Variants in LARGE1 observed in about 807,000 individuals in gnomAD.
The protein encoded by LARGE1 is LARGE xylosyl- and glucuronyltransferase 1.
In LARGE1, 43 loss-of-function variants were observed where a neutral mutation model predicts 87.6. The observed-to-expected ratio is 0.49, with a 90% confidence interval of 0.38 to 0.63. The LOEUF is 0.63. Ranked by LOEUF, LARGE1 falls within the 30% of genes least tolerant of loss-of-function variation. The pLI is 0.00. For synonymous variants in LARGE1, 434 were observed against 394.6 expected (o/e 1.10, Z -1.18); for missense variants, 802 against 1,000.2 (o/e 0.80, Z 2.67).
chr22:33,116,175 T>C, the LARGE1 span: 2 of 152,284 alleles, frequency 1.3e-5, no homozygotes, highest in East Asian at 1.9e-4. Flanking sequence ...TTTCTCTCCA[T>C]ATTTCAGATC....
At chr22:33,250,698 C>T (rs192791045) in intron 11 of LARGE1, among the ~76,000 whole-genome samples, 1 of 152,164 alleles carries the variant, frequency 6.6e-6, no homozygotes, top group African/African-American at 2.4e-5. Flanking sequence ...TTTACTGAGA[C>T]TTTTAATCAT....
chr22:33,265,380 G>A (rs1221702670), intron 11 of LARGE1, among the ~76,000 whole-genome samples: 1 of 152,132 alleles, frequency 6.6e-6, no homozygotes, highest in Non-Finnish European at 1.5e-5. Context: ...AGCTATCCTT[G>A]CTGTATTCAG....
chr22:33,767,828 C>T (rs929483579), intron 1 of LARGE1, among the ~76,000 whole-genome samples: 1 of 152,198 alleles, frequency 6.6e-6, no homozygotes, highest in African/African-American at 2.4e-5. Flanking sequence ...TTCAGAATTG[C>T]TTAGGATCCC....
At chr22:33,142,023 T>TA in the LARGE1 span, among the ~76,000 whole-genome samples, 1 of 138,684 alleles carries the variant, frequency 7.2e-6, no homozygotes, top group East Asian at 2.1e-4. Flanking sequence ...AATTACTGCT[T>TA]ACTTAACAAC....
At position 33,865,832 on chromosome 22, in the gene LARGE1, C is replaced by CTTTTTTTTTTTTTTTTTTTTT. The variant is rs3072359; in HGVS notation, c.-83+54142_-83+54162dup. ...TAAGCATTCAATGTTAGCTGTTATT[C>CTTTTTTTTTTTTTTTTTTTTT]TTTTTTTTTTTTTTTTTTTTTTTTT... On this transcript the variant is annotated intron_variant, in intron 1 of 14. Transcript: ENST00000397394. Among the ~76,000 whole-genome samples, 5 of 28,394 alleles carry CTTTTTTTTTTTTTTTTTTTTT rather than the reference C, an allele frequency of 1.8e-4. 1 individual carries two copies. Among genetic ancestry groups the CTTTTTTTTTTTTTTTTTTTTT allele is most frequent in the African/African-American group, 5.3e-4 (5 of 9,350 alleles). The allele number at this position is 28,394 out of a possible 152,430, so 18.6% of individuals were successfully genotyped here.
rs1012596648 is a variant in LARGE1, at chr22:33,166,629, A to G, written c.*134T>C. 2.4e-4 allele frequency: 100 copies of G among 410,268 alleles called. 1 individual carries two copies. The Admixed American group carries it at 2.6e-3, about 11-fold the overall frequency. The allele number at this position is 410,268 out of a possible 1,614,324, so 25.4% of individuals were successfully genotyped here. A position where few individuals can be genotyped will look rare whatever the true frequency, so the allele number is the denominator to read the frequency against. ...TGTTCACCTGGCATGTACCACTTCA[A>G]TCTTACCGTGAGGATGTTCACCTGG... On this transcript the variant is annotated 3_prime_UTR_variant, in exon 12 of 12. Transcript: ENST00000608642.
intron 1 of LARGE1, among the ~76,000 whole-genome samples, chr22:33,896,206 A>T (rs2146863632): frequency 6.6e-6 from 1 of 152,246 alleles, no homozygotes; most frequent in South Asian, 2.1e-4. Flanking sequence ...TTAATGACTG[A>T]CTCATTTAAC....
chr22:33,869,802 G>A (rs773978531), intron 1 of LARGE1, among the ~76,000 whole-genome samples: 5 of 152,116 alleles, frequency 3.3e-5, no homozygotes, highest in Admixed American at 1.3e-4. Context: ...GTGAAAAGAT[G>A]GGAAATAGAA....
chr22:33,193,080 A>ATGTGTG (rs144472100), intron 11 of LARGE1, among the ~76,000 whole-genome samples: 5 of 150,022 alleles, frequency 3.3e-5, no homozygotes, highest in African/African-American at 1.2e-4. Context: ...TCTGTTTATG[A>ATGTGTG]TGTGTGTGTG....
rs11912488 is a variant in LARGE1 at position 33,295,646 on chromosome 22, G to A, written c.1730+8583C>T. 8.8e-3 allele frequency among the ~76,000 whole-genome samples: 1,342 copies of A among 152,272 alleles called. 24 individuals carry two copies. Among genetic ancestry groups the A allele is most frequent in the African/African-American group, 0.031 (1,288 of 41,542 alleles). The stretch of plus-strand genomic sequence containing the variant: ...TCTTGTCTCATCCCTAAACATAAAG[G>A]CCAGGGAATAGGGTTTGCTCGATTC... On this transcript the variant is annotated intron_variant, in intron 12 of 14. Coordinates refer to ENST00000397394, the MANE Select transcript of LARGE1 (RefSeq NM_133642.5).
intron 6 of LARGE1, among the ~76,000 whole-genome samples, chr22:33,454,216 C>T (rs2068044089): frequency 6.6e-6 from 1 of 152,088 alleles, no homozygotes; most frequent in Non-Finnish European, 1.5e-5. Flanking sequence ...GTACCATAAA[C>T]CCAATAATTA....
At chr22:33,634,719 C>A (rs1487229781) in intron 3 of LARGE1, among the ~76,000 whole-genome samples, 2 of 151,730 alleles carry the variant, frequency 1.3e-5, no homozygotes, top group Non-Finnish European at 2.9e-5. Context: ...CCTGGAAATC[C>A]AGAGAGCTGG....
chr22:33,350,953 G>C (rs541867636), intron 9 of LARGE1, among the ~76,000 whole-genome samples: 2 of 152,314 alleles, frequency 1.3e-5, no homozygotes, highest in South Asian at 4.1e-4. Context: ...TAAGAGAAAA[G>C]GGGCTTCTCT....
intron 3 of LARGE1, among the ~76,000 whole-genome samples, chr22:33,635,757 T>C (rs1267422014): frequency 1.3e-5 from 2 of 152,226 alleles, no homozygotes; most frequent in East Asian, 1.9e-4. Context: ...CCTATTAACA[T>C]TTTTAAAACA....
At chr22:33,781,319 G>A (rs1179117053) in intron 1 of LARGE1, among the ~76,000 whole-genome samples, 1 of 152,014 alleles carries the variant, frequency 6.6e-6, no homozygotes, top group African/African-American at 2.4e-5. Context: ...GCCAACATGA[G>A]GTGAAACCCC....
chr22:33,077,287 CTAT>C, the LARGE1 span, among the ~76,000 whole-genome samples: 1 of 152,132 alleles, frequency 6.6e-6, no homozygotes, highest in African/African-American at 2.4e-5. Flanking sequence ...GATCTAGGTA[CTAT>C]TATTATTCCC....
chr22:33,457,340 C>T (rs984930070), intron 6 of LARGE1, among the ~76,000 whole-genome samples: 18 of 113,768 alleles, frequency 1.6e-4, no homozygotes, highest in African/African-American at 1.8e-4. Flanking sequence ...TTATTAGAGA[C>T]GGGGTTACAC....
chr22:33,326,552 T>G (rs1937261606), intron 10 of LARGE1, among the ~76,000 whole-genome samples: 1 of 152,126 alleles, frequency 6.6e-6, no homozygotes, highest in South Asian at 2.1e-4. Flanking sequence ...ATCGTACAGA[T>G]GAGAAAACTG....
chr22:33,192,085 T>C (rs1375836175), intron 11 of LARGE1, among the ~76,000 whole-genome samples: 1 of 152,246 alleles, frequency 6.6e-6, no homozygotes, highest in Non-Finnish European at 1.5e-5. Flanking sequence ...TTTTCTCTTC[T>C]GATTTTAAGA....
Sources: gnomAD v4.1 joint callset for allele counts (sites outside exome capture counted in the v4.1 genomes callset) on GRCh38, gnomAD v4.1.1 for gene constraint, MANE v1.5 for transcripts, NCBI Gene and HGNC (gene_info 2026-07-23, HGNC 2026-07-21) for gene names.